Variants in GRHL2 observed in about 807,000 individuals in gnomAD.
The protein encoded by GRHL2 is grainyhead-like protein 2 homolog.
In GRHL2, 21 loss-of-function variants were observed where a neutral mutation model predicts 83.8. The observed-to-expected ratio is 0.25, with a 90% CI of 0.18 to 0.36. GRHL2 has a LOEUF of 0.36. Among genes scored for constraint, GRHL2 ranks in the 10% least tolerant of loss-of-function variants. The pLI is 1.00. For missense variants in GRHL2, 623 were observed against 781.8 expected, an observed-to-expected ratio of 0.80 and a Z score of 2.42; for synonymous variants, 280 against 278.9, an observed-to-expected ratio of 1.00 and a Z score of -0.04.
intron 14 of GRHL2, among the ~76,000 whole-genome samples, chr8:101,657,423 T>G (rs966395214): frequency 5.9e-5 from 9 of 152,192 alleles, no homozygotes; most frequent in African/African-American, 2.2e-4. Flanking sequence ...ATGAGATATC[T>G]CCAAGATCTA....
At chr8:101,665,093 C>T (rs1298539051) in intron 15 of GRHL2, among the ~76,000 whole-genome samples, 2 of 152,250 alleles carry the variant, frequency 1.3e-5, no homozygotes, top group East Asian at 1.9e-4. Context: ...GGTGGAATCT[C>T]TTATCGCTGA....
intron 1 of GRHL2, among the ~76,000 whole-genome samples, chr8:101,499,599 A>G (rs1810181190): frequency 6.6e-6 from 1 of 152,184 alleles, no homozygotes; most frequent in African/African-American, 2.4e-5. Context: ...ACCTGGGCCA[A>G]GAGGTAAGAT....
chr8:101,606,197 A>G (rs903930314), intron 8 of GRHL2, among the ~76,000 whole-genome samples: 1 of 152,236 alleles, frequency 6.6e-6, no homozygotes, highest in East Asian at 1.9e-4. Context: ...ATTGGAAGTG[A>G]CTACTTACAC....
intron 6 of GRHL2, among the ~76,000 whole-genome samples, chr8:101,574,658 A>G (rs1055044486): frequency 1.3e-5 from 2 of 152,246 alleles, no homozygotes; most frequent in Non-Finnish European, 2.9e-5. Context: ...CCGCCAGTGC[A>G]GGTGGGGCGC....
chr8:101,525,252 T>G (rs1307546566), intron 1 of GRHL2, among the ~76,000 whole-genome samples: 2 of 152,146 alleles, frequency 1.3e-5, no homozygotes, highest in African/African-American at 2.4e-5. Context: ...TAATATATCT[T>G]TTTTCATTAT....
At chr8:101,627,534 A>G (rs2130388476) in intron 9 of GRHL2, among the ~76,000 whole-genome samples, 1 of 152,128 alleles carries the variant, frequency 6.6e-6, no homozygotes, top group South Asian at 2.1e-4. Context: ...CTGAGAAACA[A>G]CCATATGAAA....
chr8:101,504,459 G>A (rs1047783088), intron 1 of GRHL2, among the ~76,000 whole-genome samples: 1 of 152,162 alleles, frequency 6.6e-6, no homozygotes, highest in Non-Finnish European at 1.5e-5. Context: ...TGCCTATGGA[G>A]TTTCACTTGA....
At chr8:101,592,720 T>C (rs1172848129) in intron 7 of GRHL2, among the ~76,000 whole-genome samples, 3 of 152,192 alleles carry the variant, frequency 2.0e-5, no homozygotes, top group Non-Finnish European at 4.4e-5. Context: ...CTGTAAGCCA[T>C]GGGAATTTGG....
chr8:101,581,471 C>T (rs1489920957), intron 7 of GRHL2, among the ~76,000 whole-genome samples: 1 of 152,188 alleles, frequency 6.6e-6, no homozygotes, highest in Non-Finnish European at 1.5e-5. Flanking sequence ...AGTTTACATT[C>T]TGCAGTCCCA....
At chr8:101,629,556 A>G (rs1813144803) in intron 9 of GRHL2, among the ~76,000 whole-genome samples, 1 of 152,106 alleles carries the variant, frequency 6.6e-6, no homozygotes, top group South Asian at 2.1e-4. Context: ...TTCCTCATAA[A>G]TAGTACAAAA....
intron 15 of GRHL2, among the ~76,000 whole-genome samples, chr8:101,665,042 C>G (rs1390372806): frequency 6.6e-6 from 1 of 152,142 alleles, no homozygotes; most frequent in Non-Finnish European, 1.5e-5. Context: ...TTCCTAAGTA[C>G]TTTACATGTA....
At chr8:101,644,047 G>A in intron 12 of GRHL2, 84 bp from the exon 13 acceptor site, 2 of 1,221,736 alleles carry the variant, frequency 1.6e-6, no homozygotes, top group Non-Finnish European at 2.4e-6. Flanking sequence ...TAAGCAAAGG[G>A]AAAGACAGAA....
At chr8:101,497,778 A>G (rs1017034085) in intron 1 of GRHL2, among the ~76,000 whole-genome samples, 10 of 152,230 alleles carry the variant, frequency 6.6e-5, no homozygotes, top group African/African-American at 9.6e-5. Context: ...TTTATATGCA[A>G]CTTTTCAGGT....
chr8:101,638,964 C>T (rs575337129), intron 12 of GRHL2, among the ~76,000 whole-genome samples: 22 of 152,324 alleles, frequency 1.4e-4, no homozygotes, highest in Admixed American at 1.2e-3. Flanking sequence ...CTTAATTTGA[C>T]ATTGAGCATC....
Position 101,609,255 on chromosome 8 carries a change from A to T in GRHL2, c.1098+10104A>T, listed in dbSNP as rs1206571182. Among the ~76,000 whole-genome samples the T allele has an allele frequency of 1.3e-5, 2 of 150,638 alleles. 1 individual carries two copies. On this transcript the variant is annotated intron_variant, in intron 8 of 15. Transcript: ENST00000646743. ...CGAAGAGGACAAGGAGAGGGCCACC[A>T]AAGTCCAATGGTTTAGGCAGTGGTT...
intron 13 of GRHL2, among the ~76,000 whole-genome samples, chr8:101,645,224 C>T (rs1238404224): frequency 2.7e-5 from 4 of 148,058 alleles, no homozygotes; most frequent in Non-Finnish European, 4.4e-5. Context: ...CCTCCACCTC[C>T]TGGGTTCAAG....
At chr8:101,582,328 G>A (rs562926637) in intron 7 of GRHL2, among the ~76,000 whole-genome samples, 63 of 152,206 alleles carry the variant, frequency 4.1e-4, no homozygotes, top group African/African-American at 1.3e-3. Flanking sequence ...TCTCATGCAC[G>A]CTAGTGAGAG....
At chr8:101,533,649 T>G (rs1394976843) in intron 1 of GRHL2, among the ~76,000 whole-genome samples, 1 of 152,194 alleles carries the variant, frequency 6.6e-6, no homozygotes, top group Non-Finnish European at 1.5e-5. Flanking sequence ...ATAGAAAGTT[T>G]TAAAGGAATT....
Position 101,562,489 on chromosome 8 carries a change from A to G in GRHL2, c.678+3677A>G, listed in dbSNP as rs1318138740. ...AAATATAACACTTCTCAATATGCAT[A>G]TTGAACCCGTGTGGGTCCCCACCAA... On this transcript the variant is annotated intron_variant, in intron 4 of 15. Transcript: ENST00000646743. The G allele has an allele frequency of 2.2e-5, 7 of 312,082 alleles. No homozygotes were observed. The East Asian group carries it at 2.3e-4, about 10-fold the overall frequency. The allele number at this position is 312,082 out of a possible 1,614,324, so 19.3% of individuals were successfully genotyped here. A position where few individuals can be genotyped will look rare whatever the true frequency, so the allele number is the denominator to read the frequency against.
Sources: gnomAD v4.1 joint callset for allele counts (sites outside exome capture counted in the v4.1 genomes callset) on GRCh38, gnomAD v4.1.1 for gene constraint, MANE v1.5 for transcripts, NCBI Gene and HGNC (gene_info 2026-07-23, HGNC 2026-07-21) for gene names.